ZPBP: variants seen among roughly 807,000 people sequenced by gnomAD.
The protein encoded by ZPBP is zona pellucida binding protein.
ZPBP carries 26 observed loss-of-function variants against 44.8 expected under a neutral mutation model. The observed-to-expected ratio is 0.58, with a 90% CI of 0.43 to 0.81. ZPBP has a LOEUF of 0.81. Among genes scored for constraint, ZPBP ranks in the 30% least tolerant of loss-of-function variants. The pLI is 0.00. For synonymous variants in ZPBP, 174 were observed against 153.2 expected (o/e 1.14, Z -1.00); for missense variants, 409 against 434.0 (o/e 0.94, Z 0.51).
chr7:50,078,549 A>C (rs1237669170), intron 3 of ZPBP, among the ~76,000 whole-genome samples: 2 of 151,018 alleles, frequency 1.3e-5, no homozygotes, highest in Non-Finnish European at 3.0e-5. Flanking sequence ...TTAAAAAAAA[A>C]TAATATTCTT....
chr7:50,009,145 G>A lies in ZPBP; in HGVS notation c.783+9095C>T, dbSNP rs192072762. 2.0e-5 allele frequency among the ~76,000 whole-genome samples: 3 copies of A among 148,952 alleles called. No individual in the cohort carries two copies. In the East Asian group the frequency reaches 6.0e-4, roughly 30 times the overall value. On this transcript the variant is annotated intron_variant, in intron 6 of 7. Transcript: ENST00000046087. ...CCAGCTGCTTGGGAGGCTGAGGCAG[G>A]ATTATCACTTGAACCTGCTAGGTGG...
At chr7:49,930,516 CA>C (rs546999231) in intron 1 of ZPBP, among the ~76,000 whole-genome samples, 1 of 151,254 alleles carries the variant, frequency 6.6e-6, no homozygotes, top group African/African-American at 2.4e-5. Flanking sequence ...CTCACTAATA[CA>C]AAAAAAATGA....
In ZPBP at chr7:50,089,726, T is replaced by C. The variant is rs1387562623; in HGVS notation, c.128-17A>G. 5 of 1,589,606 alleles carry C rather than the reference T, an allele frequency of 3.1e-6. No homozygotes were observed. The highest frequency in any genetic ancestry group is 1.8e-4 in the Middle Eastern group (1 of 5,542). ...AGTGTCCAACTATCAAAAAAAAAGA[T>C]CAACAATTTGTCTCATTAGATATTC... On this transcript the variant is annotated splice_polypyrimidine_tract_variant and intron_variant, in intron 1 of 7. Coordinates refer to ENST00000046087, the MANE Select transcript of ZPBP (RefSeq NM_007009.3).
chr7:50,016,733 G>A (rs1255418846), intron 6 of ZPBP, among the ~76,000 whole-genome samples: 2 of 152,072 alleles, frequency 1.3e-5, no homozygotes, highest in Admixed American at 1.3e-4. Flanking sequence ...GACTGTTTAA[G>A]ACTGGTAGAG....
chr7:50,091,446 T>C (rs2128859180), intron 1 of ZPBP, among the ~76,000 whole-genome samples: 1 of 152,300 alleles, frequency 6.6e-6, no homozygotes, highest in Non-Finnish European at 1.5e-5. Context: ...TGCAGAAGAA[T>C]GAAACTGGAT....
intron 5 of ZPBP, among the ~76,000 whole-genome samples, chr7:50,030,698 G>A (rs1312134307): frequency 6.6e-6 from 1 of 152,040 alleles, no homozygotes; most frequent in East Asian, 1.9e-4. Context: ...TTGTTTTCCA[G>A]AAAACACTGG....
intron 3 of ZPBP, among the ~76,000 whole-genome samples, chr7:50,062,456 A>G: frequency 6.6e-6 from 1 of 152,330 alleles, no homozygotes; most frequent in East Asian, 1.9e-4. Context: ...AAAAGAGCAT[A>G]GCACTGGTAT....
chr7:49,859,068 T>A (rs1033900359), intron 2 of ZPBP, among the ~76,000 whole-genome samples: 1 of 152,254 alleles, frequency 6.6e-6, no homozygotes, highest in Admixed American at 6.5e-5. Context: ...TTGTTTTACA[T>A]TGTGGCCCAT....
intron 7 of ZPBP, among the ~76,000 whole-genome samples, chr7:49,982,130 T>C (rs1797009930): frequency 9.3e-6 from 1 of 107,852 alleles, no homozygotes; most frequent in South Asian, 2.5e-4. Context: ...TATATTAATA[T>C]AAATATTTAT....
intron 2 of ZPBP, among the ~76,000 whole-genome samples, chr7:49,852,431 C>T (rs1353636439): frequency 6.6e-6 from 1 of 152,210 alleles, no homozygotes; most frequent in Non-Finnish European, 1.5e-5. Flanking sequence ...CTGTTTTGCA[C>T]TTGCTAGAAA....
At chr7:49,875,386 A>AAAAAAG (rs1562746107) in intron 2 of ZPBP, among the ~76,000 whole-genome samples, 1 of 149,776 alleles carries the variant, frequency 6.7e-6, no homozygotes, top group Non-Finnish European at 1.5e-5. Context: ...AAAAAAAAAA[A>AAAAAAG]AAAAAAAAAA....
At chr7:49,947,341 G>T (rs768129299) in intron 7 of ZPBP, among the ~76,000 whole-genome samples, 5 of 152,088 alleles carry the variant, frequency 3.3e-5, no homozygotes, top group Non-Finnish European at 7.4e-5. Flanking sequence ...TCCTCCCTGG[G>T]AAGGCCTTCT....
the ZPBP span, among the ~76,000 whole-genome samples, chr7:49,843,565 A>C: frequency 0.012 from 1,754 of 152,274 alleles, 32 homozygotes; most frequent in African/African-American, 0.039. Context: ...CAAAAAACTA[A>C]TCATTCAATG....
intron 1 of ZPBP, among the ~76,000 whole-genome samples, chr7:50,092,041 A>G (rs1039092253): frequency 6.6e-6 from 1 of 152,228 alleles, no homozygotes; most frequent in East Asian, 1.9e-4. Flanking sequence ...GTAAAATGCT[A>G]TATAAGAGGC....
At chr7:50,059,988 C>T (rs544186293) in intron 3 of ZPBP, among the ~76,000 whole-genome samples, 9 of 152,030 alleles carry the variant, frequency 5.9e-5, no homozygotes, top group South Asian at 2.1e-4. Flanking sequence ...TGAGAGTAGT[C>T]GGAGGGAGGA....
At chr7:50,013,938 T>G (rs1425605699) in intron 6 of ZPBP, among the ~76,000 whole-genome samples, 1 of 152,090 alleles carries the variant, frequency 6.6e-6, no homozygotes, top group Non-Finnish European at 1.5e-5. Context: ...TCTAGAAAAA[T>G]ATTAATCAAT....
chr7:50,036,425 C>T (rs1799829869), intron 4 of ZPBP, among the ~76,000 whole-genome samples: 1 of 152,198 alleles, frequency 6.6e-6, no homozygotes, highest in Non-Finnish European at 1.5e-5. Context: ...GCTGGGATTA[C>T]AGGCATAAGC....
At chr7:49,941,507 A>G (rs1166674725) in intron 7 of ZPBP, among the ~76,000 whole-genome samples, 2 of 152,196 alleles carry the variant, frequency 1.3e-5, no homozygotes, top group African/African-American at 4.8e-5. Context: ...TTAACAATAA[A>G]CAATCCAAAA....
intron 7 of ZPBP, among the ~76,000 whole-genome samples, chr7:49,938,566 T>A (rs1165721691): frequency 1.3e-5 from 2 of 151,940 alleles, no homozygotes; most frequent in African/African-American, 4.8e-5. Flanking sequence ...AATCACACAG[T>A]GTATCATAGG....
Sources: gnomAD v4.1 joint callset for allele counts (sites outside exome capture counted in the v4.1 genomes callset) on GRCh38, gnomAD v4.1.1 for gene constraint, MANE v1.5 for transcripts, NCBI Gene and HGNC (gene_info 2026-07-23, HGNC 2026-07-21) for gene names.